NAV1: variants seen among roughly 807,000 people sequenced by gnomAD.
The protein encoded by NAV1 is neuron navigator 1.
Under a neutral mutation model 175.2 loss-of-function variants are expected in NAV1, and 18 were observed. The ratio of observed to expected loss-of-function variants is 0.10; its 90% CI spans 0.07 to 0.15. The LOEUF (loss-of-function observed/expected upper bound fraction) is 0.15, where lower values mean the gene tolerates loss of function less well. NAV1 is among the 10% of genes least tolerant of loss of function. The pLI is 1.00. For synonymous variants in NAV1, 897 were observed against 978.7 expected, an observed-to-expected ratio of 0.92 and a Z score of 1.56; for missense variants, 1,731 against 2,436.6, an observed-to-expected ratio of 0.71 and a Z score of 6.10.
chr1:201,602,411 G>A (rs918778237), intron 2 of NAV1, among the ~76,000 whole-genome samples: 6 of 151,962 alleles, frequency 3.9e-5, no homozygotes, highest in Non-Finnish European at 5.9e-5. Context: ...GCGCGGTCTC[G>A]GCTCACTGGA....
intron 1 of NAV1, among the ~76,000 whole-genome samples, chr1:201,652,891 C>T (rs1334180331): frequency 6.6e-6 from 1 of 152,196 alleles, no homozygotes; most frequent in East Asian, 1.9e-4. Context: ...GAATACACCT[C>T]ACGTACCGAA....
chr1:201,627,949 G>A (rs573209800), intron 1 of NAV1, among the ~76,000 whole-genome samples: 7 of 151,806 alleles, frequency 4.6e-5, no homozygotes, highest in African/African-American at 9.7e-5. Context: ...GACCAGCCTG[G>A]GCGACATGGC....
chr1:201,612,115 T>C (rs1046643900), intron 2 of NAV1, among the ~76,000 whole-genome samples: 5 of 152,076 alleles, frequency 3.3e-5, no homozygotes, highest in Admixed American at 2.0e-4. Context: ...TGTGTCTTAG[T>C]CCATTCAGGT....
At chr1:201,590,852 G>A (rs1370745213) in intron 2 of NAV1, among the ~76,000 whole-genome samples, 1 of 152,232 alleles carries the variant, frequency 6.6e-6, no homozygotes, top group Non-Finnish European at 1.5e-5. Context: ...AGGGCGGACT[G>A]TACCTCTGGT....
chr1:201,660,791 C>T (rs143299185), intron 1 of NAV1, among the ~76,000 whole-genome samples: 1 of 152,192 alleles, frequency 6.6e-6, no homozygotes, highest in Non-Finnish European at 1.5e-5. Flanking sequence ...TTTGACAACC[C>T]TCACAGGTTT....
At chr1:201,671,525 T>C (rs1191553885) in intron 1 of NAV1, among the ~76,000 whole-genome samples, 10 of 152,222 alleles carry the variant, frequency 6.6e-5, no homozygotes, top group African/African-American at 2.4e-4. Context: ...CAAGTCATTC[T>C]ACCTCCTGGG....
intron 1 of NAV1, among the ~76,000 whole-genome samples, chr1:201,549,094 T>TCTTC (rs1491184638): frequency 2.3e-5 from 3 of 129,724 alleles, no homozygotes; most frequent in Admixed American, 7.6e-5. Context: ...TTTCTTTCTT[T>TCTTC]CTTTCTTTCT....
Position 201,808,157 on chromosome 1 carries a change from C to T in NAV1, c.3845+8C>T, listed in dbSNP as rs771174797. The T allele has an allele frequency of 6.2e-7, 1 of 1,613,736 alleles. No individual in the cohort carries two copies. The highest frequency in any genetic ancestry group is 2.2e-5 in the East Asian group (1 of 44,874). On this transcript the variant is annotated splice_region_variant and intron_variant, in intron 18 of 29. Coordinates refer to ENST00000367296, the Ensembl canonical transcript of NAV1. The surrounding 1 kb of genome is among the most constrained non-coding windows in gnomAD (Gnocchi z 5.5). Reference sequence around the variant, plus strand: ...GGGCACTGATGTCACCGAGTAAGTGCTCTTTGGCTCCCTGCCACCCAGCCT... The same window carrying T: ...GGGCACTGATGTCACCGAGTAAGTGTTCTTTGGCTCCCTGCCACCCAGCCT...
intron 2 of NAV1, among the ~76,000 whole-genome samples, chr1:201,602,401 G>A (rs540420587): frequency 1.3e-5 from 2 of 152,230 alleles, no homozygotes; most frequent in African/African-American, 4.8e-5. Flanking sequence ...GAGTACAGTG[G>A]CGCGGTCTCG....
chr1:201,606,299 G>A (rs746961838), intron 2 of NAV1, among the ~76,000 whole-genome samples: 22 of 152,172 alleles, frequency 1.4e-4, no homozygotes, highest in Non-Finnish European at 2.2e-4. Flanking sequence ...AAAACAGGGG[G>A]CTACCTGGTC....
chr1:201,659,347 G>A (rs553270280), intron 1 of NAV1, among the ~76,000 whole-genome samples: 2 of 152,330 alleles, frequency 1.3e-5, no homozygotes, highest in Admixed American at 1.3e-4. Context: ...TGAGCACAGT[G>A]GCTCACACCT....
intron 1 of NAV1, among the ~76,000 whole-genome samples, chr1:201,682,076 A>G (rs1458497943): frequency 2.0e-5 from 3 of 146,754 alleles, no homozygotes; most frequent in Admixed American, 7.0e-5. Flanking sequence ...AGATCGTGCC[A>G]CTGCACTCCA....
intron 2 of NAV1, among the ~76,000 whole-genome samples, chr1:201,632,690 A>G (rs1270931990): frequency 1.3e-5 from 2 of 152,210 alleles, no homozygotes; most frequent in African/African-American, 4.8e-5. Context: ...TTTTCTCATC[A>G]TAGTACGTGT....
chr1:201,637,841 G>A lies in NAV1; in HGVS notation c.4+8334G>A, dbSNP rs1340525271. Among the ~76,000 whole-genome samples the A allele has an allele frequency of 1.3e-5, 2 of 152,280 alleles. 1 individual carries two copies. Among genetic ancestry groups the A allele is most frequent in the South Asian group, 4.2e-4 (2 of 4,818 alleles). On this transcript the variant is annotated intron_variant, in intron 2 of 29. Transcript: ENST00000367302. ...TCTGGGTGGGTCATGGTCTAAGGGC[G>A]ATGTACCTGGGTGGTGCAGAGCTCT...
chr1:201,619,396 T>C (rs1668094243), upstream of NAV1, among the ~76,000 whole-genome samples: 1 of 151,874 alleles, frequency 6.6e-6, no homozygotes, highest in Admixed American at 6.6e-5. Flanking sequence ...ACAACCTGAG[T>C]TGGGGAGGAA....
chr1:201,724,533 C>G (rs1672521300), intron 3 of NAV1: 1 of 152,296 alleles, frequency 6.6e-6, no homozygotes, highest in Admixed American at 6.5e-5. Context: ...GACTTGCAGG[C>G]CAGTGCAGTA....
At chr1:201,809,605 C>A in intron 22 of NAV1, 68 bp downstream of exon 26, 1 of 1,451,148 alleles carries the variant, frequency 6.9e-7, no homozygotes, top group Non-Finnish European at 9.5e-7. Flanking sequence ...TTTTTAGAGA[C>A]AGGGTCTCAC....
intron 1 of NAV1, among the ~76,000 whole-genome samples, chr1:201,627,706 T>A (rs959886091): frequency 6.6e-6 from 1 of 152,124 alleles, no homozygotes; most frequent in Non-Finnish European, 1.5e-5. Context: ...CTCTCCCCAG[T>A]AGAATTTTCT....
In NAV1 at chr1:201,807,803, T is replaced by C. The variant is rs912143813; in HGVS notation, c.3649-150T>C. The C allele has an allele frequency of 2.2e-5, 17 of 755,802 alleles. No individual in the cohort carries two copies. The highest frequency in any genetic ancestry group is 3.6e-5 in the Non-Finnish European group (16 of 448,150). 46.8% of individuals were successfully genotyped at this position (755,802 alleles called of 1,614,324 possible). On this transcript the variant is annotated intron_variant, in intron 17 of 29. Transcript: ENST00000367296. This position sits in a 1 kb window ranked among gnomAD's most constrained non-coding sequence, Gnocchi z 5.4. ...CTAGGCAACTCTTCTGTCCGTATTC[T>C]ATGAATCAAGTGAAGTGTTATAGAG...
Sources: gnomAD v4.1 joint callset for allele counts (sites outside exome capture counted in the v4.1 genomes callset) on GRCh38, gnomAD v4.1.1 for gene constraint, Gnocchi (gnomAD v3.1) non-coding constraint, MANE v1.5 for transcripts, NCBI Gene and HGNC (gene_info 2026-07-23, HGNC 2026-07-21) for gene names.